SZT2: variants seen among roughly 807,000 people sequenced by gnomAD.
SZT2 encodes SZT2 subunit of KICSTOR complex.
A neutral mutation model predicts 404.2 loss-of-function variants in SZT2; 216 were observed. The observed-to-expected ratio is 0.53, with a 90% CI of 0.48 to 0.60. SZT2 has a LOEUF of 0.60. Among genes scored for constraint, SZT2 ranks in the 20% least tolerant of loss-of-function variants. SZT2 has a pLI of 0.00. For synonymous variants in SZT2, 1,693 were observed against 1,749.9 expected (o/e 0.97, Z 0.81); for missense variants, 3,857 against 4,459.2 (o/e 0.86, Z 3.85).
chr1:43,393,969 T>C, intron 1 of SZT2: 1 of 466,036 alleles, frequency 2.1e-6, no homozygotes, highest in Non-Finnish European at 2.8e-6. Flanking sequence ...GTCACCTATA[T>C]AGCAAATGAT....
chr1:43,427,718 C>G lies in SZT2; in HGVS notation c.3787C>G (p.Arg1263Gly). The change falls in exon 26 of 72, where the codon CGA becomes GGA. Residue 1263 changes from arginine to glycine, a missense_variant. Physicochemically the swap from Arg to Gly is moderately radical, Grantham distance 125. Around this residue, in one of 7 missense-constraint regions of SZT2, gnomAD observed 1,725 missense variants for 1,881.0 expected, o/e 0.92. Coordinates refer to ENST00000634258, the MANE Select transcript of SZT2 (RefSeq NM_001365999.1). ...TGGCATGCAGCCCCCTCAGGCGCCCCGAGACCTCATCTTCCGGTGAGTGCC... is the reference window on the plus strand; with the variant it reads ...TGGCATGCAGCCCCCTCAGGCGCCCGGAGACCTCATCTTCCGGTGAGTGCC... Reference protein sequence around the residue: ...MVGMQPPQAPRDLIFRTQFLD... With the variant: ...MVGMQPPQAPGDLIFRTQFLD... The G allele has an allele frequency of 4.3e-6, 7 of 1,613,622 alleles. No individual in the cohort carries two copies. Among genetic ancestry groups the G allele is most frequent in the East Asian group, 4.5e-5 (2 of 44,874 alleles).
rs1180322513 is a variant in SZT2, at chr1:43,431,853, A to T, written c.5226A>T (p.Pro1742=). The T allele has an allele frequency of 6.2e-7, 1 of 1,614,196 alleles. No homozygotes were observed. Among genetic ancestry groups the T allele is most frequent in the Admixed American group, 1.7e-5 (1 of 60,026 alleles). ...CCACCTGCCTTCGCCAAACTCTGCC[A>T]CTGAGTTTTGTATTTGGGCCAGAGC... ...GRSTCLRQTL[P]LSFVFGPERS... The change falls in exon 36 of 72, where the codon CCA becomes CCT. Residue 1742 remains proline, a synonymous_variant. Transcript: ENST00000634258.
chr1:43,444,246 G>A (rs1394200153), intron 62 of SZT2, among the ~76,000 whole-genome samples: 8 of 152,090 alleles, frequency 5.3e-5, no homozygotes, highest in African/African-American at 1.7e-4. Context: ...ACAGGTGCAC[G>A]CCACCCTGCT....
chr1:43,440,131 G>T, intron 51 of SZT2, 83 bp downstream of exon 51: 1 of 1,556,324 alleles, frequency 6.4e-7, no homozygotes, highest in Non-Finnish European at 8.7e-7. Context: ...GTGCAAAGGT[G>T]GGGTTTAGGG....
chr1:43,391,028 CA>C (rs1383215516), intron 1 of SZT2, among the ~76,000 whole-genome samples: 1 of 152,112 alleles, frequency 6.6e-6, no homozygotes, highest in Non-Finnish European at 1.5e-5. Flanking sequence ...TTAAGAGTAA[CA>C]AAGTAAGCCG....
chr1:43,450,397 C>T lies in SZT2; in HGVS notation c.10216C>T (p.Pro3406Ser), dbSNP rs1185160520. Residue 3406 changes from proline (P) to serine (S), a missense_variant, in exon 72 of 72, where the codon CCT (proline) becomes TCT (serine). By Grantham distance (74) the Pro-to-Ser change is moderately conservative. Transcript: ENST00000634258. This position sits in a 1 kb window ranked among gnomAD's most constrained non-coding sequence, Gnocchi z 4.3. ...PVQPQDSESP[P>S]AQLVSTYHHL... ...ACAGCCCCAGGACAGCGAGAGCCCC[C>T]CTGCCCAACTGGTCTCCACCTACCA... 7 of 1,614,132 alleles carry T rather than the reference C, an allele frequency of 4.3e-6. No homozygotes were observed. The highest frequency in any genetic ancestry group is 5.9e-6 in the Non-Finnish European group (7 of 1,179,996).
intron 14 of SZT2, 71 bp from the exon 15 acceptor site, chr1:43,423,028 T>C: frequency 1.3e-6 from 2 of 1,517,594 alleles, no homozygotes; most frequent in Non-Finnish European, 1.8e-6. Context: ...TGTCTCACTT[T>C]GTCTGTGAGC....
chr1:43,406,269 GT>G (rs1019169345), intron 4 of SZT2: 121 of 326,870 alleles, frequency 3.7e-4, no homozygotes, highest in Admixed American at 5.7e-4. Context: ...TGTTTTTTTT[GT>G]TTTTTTTGGT....
Position 43,442,716 on chromosome 1 carries a change from G to A in SZT2, c.8151+98G>A. 1 of 1,535,112 alleles carries A rather than the reference G, an allele frequency of 6.5e-7. No homozygotes were observed. Among genetic ancestry groups the A allele is most frequent in the Non-Finnish European group, 8.7e-7 (1 of 1,143,690 alleles). On this transcript the variant is annotated intron_variant, in intron 58 of 71. Transcript: ENST00000634258. The surrounding 1 kb of genome is among the most constrained non-coding windows in gnomAD (Gnocchi z 4.5). ...GCCAGAAAGATGGGACAGACTGAGGGCAGAGGTAGTGGGGAGGGAGAGTCT... is the reference window on the plus strand; with the variant it reads ...GCCAGAAAGATGGGACAGACTGAGGACAGAGGTAGTGGGGAGGGAGAGTCT...
intron 4 of SZT2, chr1:43,409,492 G>A (rs1249081206): frequency 2.5e-6 from 1 of 397,344 alleles, no homozygotes; most frequent in Admixed American, 3.1e-5. Context: ...CTTGTTTGCA[G>A]ATGATATGAT....
intron 63 of SZT2, 29 bp downstream of exon 63, chr1:43,446,013 T>C: frequency 6.2e-7 from 1 of 1,610,038 alleles, no homozygotes; most frequent in Non-Finnish European, 8.5e-7. Flanking sequence ...GTAAAGTTAC[T>C]GATGCTAAAT....
chr1:43,429,072 CTT>C (rs1653540386), intron 28 of SZT2: 1 of 156,680 alleles, frequency 6.4e-6, no homozygotes, highest in African/African-American at 2.4e-5. Flanking sequence ...TAGATACTCA[CTT>C]TTTGTGCCCC....
chr1:43,449,969 C>A, intron 70 of SZT2, 134 bp from the exon 71 acceptor site: 2 of 1,025,486 alleles, frequency 2.0e-6, no homozygotes, highest in Non-Finnish European at 1.5e-6. Flanking sequence ...GAGACACGGT[C>A]CTATGTGACC....
intron 1 of SZT2, among the ~76,000 whole-genome samples, chr1:43,393,204 A>G (rs1258724796): frequency 6.6e-6 from 1 of 152,100 alleles, no homozygotes; most frequent in Admixed American, 6.6e-5. Flanking sequence ...GGGAATAGTG[A>G]AGATCTTCAG....
At chr1:43,411,197 C>T (rs1352578577) in intron 4 of SZT2, among the ~76,000 whole-genome samples, 1 of 152,216 alleles carries the variant, frequency 6.6e-6, no homozygotes, top group African/African-American at 2.4e-5. Context: ...AGAGGATCTA[C>T]AGGGAACTTT....
chr1:43,428,458 G>A lies in SZT2; in HGVS notation c.4138G>A (p.Glu1380Lys). The change falls in exon 28 of 72, where the codon GAA becomes AAA. Residue 1380 changes from glutamate (E) to lysine (K), a missense_variant. Physicochemically the swap from Glu to Lys is moderately conservative, Grantham distance 56. Around this residue, in one of 7 missense-constraint regions of SZT2, gnomAD observed 1,725 missense variants for 1,881.0 expected, o/e 0.92. Coordinates refer to ENST00000634258, the MANE Select transcript of SZT2 (RefSeq NM_001365999.1). The part of the protein sequence containing the change: ...SSMEEGAEPR[E>K]RAILASESSI... Reference sequence around the variant, plus strand: ...CATGGAGGAGGGTGCTGAACCTCGGGAACGAGCTATCCTAGCTTCTGAATC... The same window carrying A: ...CATGGAGGAGGGTGCTGAACCTCGGAAACGAGCTATCCTAGCTTCTGAATC... 6.2e-7 allele frequency: 1 copy of A among 1,614,042 alleles called. No individual in the cohort carries two copies. Among genetic ancestry groups the A allele is most frequent in the Non-Finnish European group, 8.5e-7 (1 of 1,180,000 alleles).
intron 32 of SZT2, 33 bp from the exon 33 acceptor site, chr1:43,430,916 C>A: frequency 6.2e-7 from 1 of 1,601,484 alleles, no homozygotes; most frequent in Non-Finnish European, 8.5e-7. Context: ...GTCTTAGAGC[C>A]CTCAGCAACT....
chr1:43,422,923 G>C (rs773901546), intron 14 of SZT2, 40 bp downstream of exon 14: 1 of 1,540,612 alleles, frequency 6.5e-7, no homozygotes, highest in Non-Finnish European at 8.7e-7. Flanking sequence ...AGGAGCCCTA[G>C]GGTGTAGGAT....
At position 43,453,009 on chromosome 1, in the gene SZT2, A is replaced by T. The variant is rs1656608275; in HGVS notation, c.*2529A>T. The stretch of plus-strand genomic sequence containing the variant: ...CCCATCAAGCAATGCCCACTCCTTG[A>T]AGACAGTCCAAGCATCACTACCTGT... On this transcript the variant is annotated 3_prime_UTR_variant, in exon 72 of 72. Transcript: ENST00000634258. The T allele has an allele frequency of 6.6e-7, 1 of 1,520,328 alleles. No individual in the cohort carries two copies. Among genetic ancestry groups the T allele is most frequent in the African/African-American group, 1.4e-5 (1 of 73,068 alleles). 94.2% of individuals were successfully genotyped at this position (1,520,328 alleles called of 1,614,324 possible).
Sources: gnomAD v4.1 joint callset for allele counts (sites outside exome capture counted in the v4.1 genomes callset) on GRCh38, gnomAD v4.1.1 for gene constraint, gnomAD v4.1.1 regional missense constraint, Gnocchi (gnomAD v3.1) non-coding constraint, MANE v1.5 for transcripts, NCBI Gene and HGNC (gene_info 2026-07-23, HGNC 2026-07-21) for gene names.